The following MATN2 variants were observed in gnomAD, a reference collection of about 807,000 sequenced individuals.
The protein encoded by MATN2 is matrilin-2.
In MATN2, 69 loss-of-function variants were observed where a neutral mutation model predicts 103.2. The observed-to-expected ratio is 0.67, with a 90% CI of 0.55 to 0.82. MATN2 has a LOEUF of 0.82. MATN2 is among the 40% of genes least tolerant of loss of function. The probability of loss-of-function intolerance (pLI) is 0.00; values close to 1 mark genes in which losing one functional copy is unlikely to be tolerated. For synonymous variants in MATN2, 429 were observed against 450.2 expected (o/e 0.95, Z 0.60); for missense variants, 1,023 against 1,211.5 (o/e 0.84, Z 2.31).
rs566337617 is a variant in MATN2 at position 97,981,872 on chromosome 8, A to C, written c.1081+2864A>C. Among the ~76,000 whole-genome samples, 31 of 152,248 alleles carry C rather than the reference A, an allele frequency of 2.0e-4. No homozygotes were observed. The South Asian group carries it at 6.2e-3, about 31-fold the overall frequency. On this transcript the variant is annotated intron_variant, in intron 6 of 18. Coordinates refer to ENST00000254898, the MANE Select transcript of MATN2 (RefSeq NM_002380.5). ...GGCAAGGAGGGTGTTGGAGCCCTGG[A>C]ATCAGACCCTGGAAGTAGATACCGC...
At chr8:98,001,393 T>C (rs1039249271) in intron 7 of MATN2, among the ~76,000 whole-genome samples, 3 of 152,028 alleles carry the variant, frequency 2.0e-5, no homozygotes, top group Non-Finnish European at 4.4e-5. Flanking sequence ...ATCATATCCT[T>C]ACACTACAAG....
chr8:97,989,975 A>C (rs1812338172), intron 6 of MATN2, among the ~76,000 whole-genome samples: 1 of 152,126 alleles, frequency 6.6e-6, no homozygotes, highest in Non-Finnish European at 1.5e-5. Flanking sequence ...TGAGGTCAGG[A>C]GTTTGAGACA....
intron 1 of MATN2, among the ~76,000 whole-genome samples, chr8:97,883,905 C>T (rs942210104): frequency 1.1e-4 from 16 of 151,988 alleles, no homozygotes; most frequent in Non-Finnish European, 1.6e-4. Flanking sequence ...GCCCTGCCTT[C>T]GCCTCCCAAA....
chr8:98,018,235 T>C, intron 12 of MATN2, 119 bp downstream of exon 12: 4 of 1,330,936 alleles, frequency 3.0e-6, no homozygotes, highest in Non-Finnish European at 4.2e-6. Flanking sequence ...AGTTCCTGCC[T>C]TGGGTGCTCT....
chr8:97,965,368 A>T (rs1811446908), intron 5 of MATN2, among the ~76,000 whole-genome samples: 1 of 152,192 alleles, frequency 6.6e-6, no homozygotes, highest in Non-Finnish European at 1.5e-5. Context: ...TGCAGGGTGT[A>T]TTCCAGGAGA....
chr8:97,943,500 G>A (rs1328417917), intron 4 of MATN2, among the ~76,000 whole-genome samples: 2 of 151,060 alleles, frequency 1.3e-5, no homozygotes, highest in Admixed American at 6.6e-5. Context: ...TTAAGACAGG[G>A]TCTTGCTCTG....
intron 6 of MATN2, among the ~76,000 whole-genome samples, chr8:97,992,072 A>G (rs904576490): frequency 6.6e-6 from 1 of 152,234 alleles, no homozygotes; most frequent in African/African-American, 2.4e-5. Context: ...TAGATTAAAT[A>G]TAAGTATTGT....
chr8:97,935,692 T>G (rs2130161776), intron 3 of MATN2, among the ~76,000 whole-genome samples: 1 of 152,308 alleles, frequency 6.6e-6, no homozygotes, highest in Non-Finnish European at 1.5e-5. Context: ...CTTACTATGT[T>G]GCCTAGGCTG....
At position 97,920,932 on chromosome 8, in the gene MATN2, G is replaced by T. The variant is rs144079743; in HGVS notation, c.143-10021G>T. Among the ~76,000 whole-genome samples, 194 of 152,310 alleles carry T rather than the reference G, an allele frequency of 1.3e-3. 1 individual carries two copies. In the East Asian group the frequency reaches 0.014, roughly 11 times the overall value. On this transcript the variant is annotated intron_variant, in intron 2 of 18. Transcript: ENST00000254898. ...AGGGGTGTCGGTCACAGATGCCAGG[G>T]CTGGGGACATGGGGGTGACATGCAA... is the stretch of plus-strand genomic sequence containing the variant.
intron 6 of MATN2, among the ~76,000 whole-genome samples, chr8:97,985,903 C>T (rs910794719): frequency 6.6e-6 from 1 of 152,174 alleles, no homozygotes. Flanking sequence ...GAACATTTCT[C>T]TCCAGTCTTT....
At chr8:97,901,070 G>T (rs536054103) in intron 2 of MATN2, among the ~76,000 whole-genome samples, 1 of 152,102 alleles carries the variant, frequency 6.6e-6, no homozygotes, top group African/African-American at 2.4e-5. Context: ...CCTAGGTACC[G>T]TTCATCTGTT....
chr8:98,013,398 T>C (rs1586157016), intron 10 of MATN2, among the ~76,000 whole-genome samples: 2 of 152,330 alleles, frequency 1.3e-5, no homozygotes, highest in East Asian at 3.9e-4. Context: ...GGGGTTCTTA[T>C]TTAAAACATC....
chr8:97,956,433 T>C (rs926989474), intron 4 of MATN2, among the ~76,000 whole-genome samples: 2 of 152,178 alleles, frequency 1.3e-5, no homozygotes, highest in Admixed American at 6.5e-5. Context: ...TGCCTCGGTC[T>C]CCGAAAATGC....
intron 2 of MATN2, among the ~76,000 whole-genome samples, chr8:97,923,547 C>G (rs978066542): frequency 7.1e-6 from 1 of 140,238 alleles, no homozygotes; most frequent in South Asian, 2.6e-4. Context: ...CTCTCTCTCT[C>G]TCTCTCTCTC....
intron 2 of MATN2, among the ~76,000 whole-genome samples, chr8:97,910,242 T>C (rs1365269999): frequency 6.6e-6 from 1 of 152,092 alleles, no homozygotes; most frequent in Non-Finnish European, 1.5e-5. Context: ...TTGTATTTTT[T>C]GGTAGAGACG....
At chr8:97,889,533 T>C (rs1445124871) in intron 2 of MATN2, among the ~76,000 whole-genome samples, 1 of 146,436 alleles carries the variant, frequency 6.8e-6, no homozygotes, top group African/African-American at 2.5e-5. Context: ...AACCTCCGCC[T>C]CCTGGGTTCA....
chr8:97,913,660 G>A (rs1406355539), intron 2 of MATN2, among the ~76,000 whole-genome samples: 1 of 148,540 alleles, frequency 6.7e-6, no homozygotes, highest in Non-Finnish European at 1.5e-5. Context: ...TGTCGCCCAG[G>A]CTGGATTGCA....
chr8:97,890,786 A>C (rs181298598), intron 2 of MATN2, among the ~76,000 whole-genome samples: 166 of 152,338 alleles, frequency 1.1e-3, no homozygotes, highest in Non-Finnish European at 2.1e-3. Context: ...ATCCACTGGC[A>C]TGATGGATTT....
At chr8:98,009,490 A>G (rs1238531526) in intron 10 of MATN2, among the ~76,000 whole-genome samples, 1 of 152,166 alleles carries the variant, frequency 6.6e-6, no homozygotes, top group Non-Finnish European at 1.5e-5. Context: ...CTTTGATAGC[A>G]AGTGGTCTTA....
Sources: allele counts gnomAD v4.1 joint callset (sites outside exome capture counted in the v4.1 genomes callset), GRCh38; gene constraint gnomAD v4.1.1; transcripts MANE v1.5; gene names NCBI Gene and HGNC (gene_info 2026-07-23, HGNC 2026-07-21).